The following ACIN1 variants were observed in gnomAD, a reference collection of about 807,000 sequenced individuals.
ACIN1 encodes the protein apoptotic chromatin condensation inducer 1, also known as apoptotic chromatin condensation inducer in the nucleus.
ACIN1 carries 16 observed loss-of-function variants against 146.6 expected under a neutral mutation model. The ratio of observed to expected loss-of-function variants is 0.11; its 90% CI spans 0.07 to 0.17. ACIN1 has a LOEUF of 0.17. Ranked by LOEUF, ACIN1 falls within the 10% of genes least tolerant of loss-of-function variation. ACIN1 has a pLI of 1.00. For synonymous variants in ACIN1, 569 were observed against 582.7 expected (o/e 0.98, Z 0.34); for missense variants, 1,357 against 1,609.3 (o/e 0.84, Z 2.68).
intron 8 of ACIN1, among the ~76,000 whole-genome samples, chr14:23,071,790 G>A (rs919332003): frequency 5.9e-5 from 9 of 152,192 alleles, no homozygotes; most frequent in Admixed American, 4.6e-4. Context: ...CAGGGGGCAG[G>A]GGAGGGGGCT....
In ACIN1 at chr14:23,082,845, T is replaced by C. The variant is rs542499929; in HGVS notation, c.437-1009A>G. Reference sequence around the variant, plus strand: ...ACCTCCGCCTCCCAGGTTCAAGCGATTCTCCTGCTTCAGCCTACCGGGCAG... The same window carrying C: ...ACCTCCGCCTCCCAGGTTCAAGCGACTCTCCTGCTTCAGCCTACCGGGCAG... On this transcript the variant is annotated intron_variant, in intron 4 of 18. Coordinates refer to ENST00000605057, the MANE Select transcript of ACIN1 (RefSeq NM_001386863.1). Among the ~76,000 whole-genome samples the C allele has an allele frequency of 2.6e-4, 39 of 151,890 alleles. 1 individual carries two copies. The highest frequency in any genetic ancestry group is 2.9e-5 in the Non-Finnish European group (2 of 67,936).
intron 10 of ACIN1, among the ~76,000 whole-genome samples, chr14:23,064,878 CAG>C (rs2047400352): frequency 8.0e-6 from 1 of 125,190 alleles, no homozygotes; most frequent in Non-Finnish European, 1.6e-5. Flanking sequence ...AGCCTGGTGA[CAG>C]AGCAAGACTC....
chr14:23,095,352 G>A, upstream of ACIN1: 1 of 1,527,108 alleles, frequency 6.5e-7, no homozygotes, highest in Non-Finnish European at 8.8e-7. Context: ...TTCAGGCTCG[G>A]TTTTCTTCGT....
intron 8 of ACIN1, among the ~76,000 whole-genome samples, chr14:23,072,340 G>A (rs573833353): frequency 2.5e-4 from 38 of 152,182 alleles, no homozygotes; most frequent in Non-Finnish European, 3.4e-4. Flanking sequence ...AGGATAAACA[G>A]GGCAAGGGGA....
At chr14:23,072,884 G>A (rs1221283064) in intron 8 of ACIN1, among the ~76,000 whole-genome samples, 1 of 152,232 alleles carries the variant, frequency 6.6e-6, no homozygotes, top group African/African-American at 2.4e-5. Flanking sequence ...TAAAAGTTGT[G>A]TGATAGTAGG....
Position 23,062,494 on chromosome 14 carries a change from C to T in ACIN1, c.2913G>A (p.Lys971=), listed in dbSNP as rs1158884174. 3 of 1,614,094 alleles carry T rather than the reference C, an allele frequency of 1.9e-6. No individual in the cohort carries two copies. Among genetic ancestry groups the T allele is most frequent in the South Asian group, 1.1e-5 (1 of 91,092 alleles). Residue 971 remains lysine (K), a synonymous_variant, in exon 15 of 19, where the codon AAG becomes AAA. Transcript: ENST00000605057. ...LVRPFTLGQL[K]ELLGRTGTLV... is the part of the protein sequence containing the mutation. ...AGGTTCCTGTGCGCCCCAACAACTCCTTTAGCTGGCCTAAAGTGAAAGGAC... is the reference window on the plus strand; with the variant it reads ...AGGTTCCTGTGCGCCCCAACAACTCTTTTAGCTGGCCTAAAGTGAAAGGAC...
At chr14:23,089,905 G>C in intron 4 of ACIN1, 77 bp downstream of exon 4, 1 of 1,419,852 alleles carries the variant, frequency 7.0e-7, no homozygotes, top group Non-Finnish European at 9.3e-7. Flanking sequence ...GGCTTAGCAT[G>C]AAAGGAGGTG....
Position 23,079,945 on chromosome 14 carries a change from A to T in ACIN1, c.1390T>A (p.Ser464Thr), listed in dbSNP as rs1410406091. 4 of 1,613,880 alleles carry T rather than the reference A, an allele frequency of 2.5e-6. No individual in the cohort carries two copies. The highest frequency in any genetic ancestry group is 3.4e-6 in the Non-Finnish European group (4 of 1,180,016). ...GGGAGGGGCTGAGCAGATCTGTCTG[A>T]CTCAGGTTCAAGATCCTTCTGGGCT... is the stretch of plus-strand genomic sequence containing the variant. ...YSAQKDLEPESDRSAQPLPLK... is the reference protein window; with the variant it reads ...YSAQKDLEPETDRSAQPLPLK... Residue 464 changes from serine to threonine, a missense_variant, in exon 6 of 19, where the codon TCA becomes ACA. Transcript: ENST00000605057.
At chr14:23,082,889 G>A (rs1416103247) in intron 4 of ACIN1, among the ~76,000 whole-genome samples, 1 of 151,492 alleles carries the variant, frequency 6.6e-6, no homozygotes, top group Admixed American at 6.6e-5. Context: ...GCAGGCGCAC[G>A]CCACCATACC....
At chr14:23,092,338 G>A (rs887487554) in intron 2 of ACIN1, among the ~76,000 whole-genome samples, 2 of 152,016 alleles carry the variant, frequency 1.3e-5, no homozygotes, top group Admixed American at 1.3e-4. Flanking sequence ...AGGGTGGGTT[G>A]CATGTGTATT....
chr14:23,079,188 AT>A, intron 6 of ACIN1, 150 bp from the exon 7 acceptor site: 1 of 853,092 alleles, frequency 1.2e-6, no homozygotes, highest in East Asian at 2.7e-5. Context: ...GTTTATTCCC[AT>A]TTAGTGGTCT....
chr14:23,079,574 A>ATAACGT lies in ACIN1; in HGVS notation c.1760_1761insACGTTA (p.Arg588_Ser589insTyrArg). ...TTCTGCTGTTGCTTGATGCTGAACG[A>ATAACGT]GAACGTGAACGTGACCTTGATCTGG... On this transcript the variant is annotated inframe_insertion, in exon 6 of 19. Coordinates refer to ENST00000605057, the MANE Select transcript of ACIN1 (RefSeq NM_001386863.1). 6.4e-7 allele frequency: 1 copy of ATAACGT among 1,555,914 alleles called. No homozygotes were observed. Among genetic ancestry groups the ATAACGT allele is most frequent in the South Asian group, 1.2e-5 (1 of 86,648 alleles).
chr14:23,082,963 T>G (rs967553941), intron 4 of ACIN1, among the ~76,000 whole-genome samples: 5 of 151,494 alleles, frequency 3.3e-5, no homozygotes, highest in African/African-American at 1.2e-4. Context: ...TGGTTCGAAC[T>G]CCTGGGCTCA....
At chr14:23,084,502 CAG>C (rs968254618) in intron 4 of ACIN1, among the ~76,000 whole-genome samples, 1 of 151,650 alleles carries the variant, frequency 6.6e-6, no homozygotes, top group African/African-American at 2.4e-5. Flanking sequence ...CCCAGCTACT[CAG>C]GGGGCTGAGG....
chr14:23,076,682 A>G (rs537184940), intron 8 of ACIN1: 101 of 152,356 alleles, frequency 6.6e-4, no homozygotes, highest in African/African-American at 2.3e-3. Context: ...CTCAGGCCCA[A>G]TTAGTAGCAG....
upstream of ACIN1, chr14:23,095,477 T>G (rs986406310): frequency 1.2e-6 from 1 of 803,534 alleles, no homozygotes; most frequent in African/African-American, 1.7e-5. Flanking sequence ...CGCTTGGGTG[T>G]TTGGGGCGGG....
intron 12 of ACIN1, 110 bp from the exon 13 acceptor site, chr14:23,063,687 C>A: frequency 7.9e-7 from 1 of 1,263,336 alleles, no homozygotes; most frequent in Non-Finnish European, 1.1e-6. Flanking sequence ...ATGTTCCTTC[C>A]GCTAGGGGTA....
At chr14:23,094,701 G>C in intron 1 of ACIN1, 3 of 660,144 alleles carry the variant, frequency 4.5e-6, no homozygotes, top group Non-Finnish European at 7.0e-6. Context: ...CAAACAAGGA[G>C]GGGGTGGGGG....
intron 4 of ACIN1, among the ~76,000 whole-genome samples, chr14:23,083,827 G>A (rs17093519): frequency 0.037 from 5,576 of 152,302 alleles, 294 homozygotes; most frequent in African/African-American, 0.12. Flanking sequence ...CCAGATACTT[G>A]ATCAGCTAGA....
Sources: allele counts gnomAD v4.1 joint callset (sites outside exome capture counted in the v4.1 genomes callset), GRCh38; gene constraint gnomAD v4.1.1; transcripts MANE v1.5; gene names NCBI Gene and HGNC (gene_info 2026-07-23, HGNC 2026-07-21).